The following ERC2 variants were observed in gnomAD, a reference collection of about 807,000 sequenced individuals.
The protein encoded by ERC2 is ELKS/RAB6-interacting/CAST family member 2.
Under a neutral mutation model 114.8 loss-of-function variants are expected in ERC2, and 42 were observed. That is an observed-to-expected ratio of 0.37 (90% CI 0.29 to 0.47). The LOEUF (loss-of-function observed/expected upper bound fraction) is 0.47. Ranked by LOEUF, ERC2 falls within the 20% of genes least tolerant of loss-of-function variation. ERC2 has a pLI of 0.99. For missense variants in ERC2, 939 were observed against 1,150.7 expected, an observed-to-expected ratio of 0.82 and a Z score of 2.66; for synonymous variants, 454 against 425.5, an observed-to-expected ratio of 1.07 and a Z score of -0.82.
chr3:56,344,966 A>T (rs547092649), intron 2 of ERC2, among the ~76,000 whole-genome samples: 1 of 152,334 alleles, frequency 6.6e-6, no homozygotes, highest in African/African-American at 2.4e-5. Flanking sequence ...CCTCAGCAAG[A>T]CCACTTACAG....
intron 6 of ERC2, among the ~76,000 whole-genome samples, chr3:56,123,206 A>T (rs1368060462): frequency 6.6e-6 from 1 of 152,096 alleles, no homozygotes; most frequent in Non-Finnish European, 1.5e-5. Context: ...TGAAATATTA[A>T]CCTCCAAGGT....
chr3:55,608,111 C>T (rs1407461552), intron 17 of ERC2, among the ~76,000 whole-genome samples: 1 of 152,162 alleles, frequency 6.6e-6, no homozygotes, highest in African/African-American at 2.4e-5. Context: ...TGGCTTAAGA[C>T]TGGGTAGTAA....
At chr3:55,552,325 G>A (rs2107428023) in intron 17 of ERC2, among the ~76,000 whole-genome samples, 1 of 152,242 alleles carries the variant, frequency 6.6e-6, no homozygotes, top group South Asian at 2.1e-4. Context: ...AGCGCTCTCT[G>A]TTTTTCCATG....
chr3:55,807,088 AG>A (rs1376370394), intron 14 of ERC2, among the ~76,000 whole-genome samples: 1 of 152,234 alleles, frequency 6.6e-6, no homozygotes, highest in Non-Finnish European at 1.5e-5. Context: ...ACTTCCTGGA[AG>A]AAGTAGCATT....
At chr3:55,568,109 T>A (rs61613824) in intron 17 of ERC2, among the ~76,000 whole-genome samples, 53,868 of 152,124 alleles carry the variant, frequency 0.35, 9,702 homozygotes, top group South Asian at 0.5. Flanking sequence ...ATCTATATTC[T>A]GCTCATTACA....
In ERC2 at chr3:55,981,991, T is replaced by C. The variant is rs1025250385; in HGVS notation, c.2267+3986A>G. Among the ~76,000 whole-genome samples, 10 of 152,174 alleles carry C rather than the reference T, an allele frequency of 6.6e-5. 1 individual carries two copies. The highest frequency in any genetic ancestry group is 1.5e-5 in the Non-Finnish European group (1 of 68,034). On this transcript the variant is annotated intron_variant, in intron 12 of 17. Transcript: ENST00000288221. The stretch of plus-strand genomic sequence containing the variant: ...CAGTCAGTGGGCTCAGGGAAGGCTT[T>C]GGTGGAAGAGGCAACTCCTGCCCTG...
chr3:55,752,364 G>C (rs1018429848), intron 14 of ERC2, among the ~76,000 whole-genome samples: 1 of 152,194 alleles, frequency 6.6e-6, no homozygotes, highest in East Asian at 1.9e-4. Flanking sequence ...CAACTGACAA[G>C]GGTCAGCCTG....
chr3:55,832,250 G>A (rs567097239), intron 14 of ERC2, among the ~76,000 whole-genome samples: 1 of 152,322 alleles, frequency 6.6e-6, no homozygotes, highest in Non-Finnish European at 1.5e-5. Context: ...TTTGAAGAAA[G>A]CAGTGGTTCT....
chr3:56,175,085 G>A (rs2082901083), intron 3 of ERC2, among the ~76,000 whole-genome samples: 1 of 152,038 alleles, frequency 6.6e-6, no homozygotes, highest in African/African-American at 2.4e-5. Context: ...GCAATCTTTT[G>A]CCCACATCCT....
intron 3 of ERC2, among the ~76,000 whole-genome samples, chr3:56,229,689 G>A (rs1452913840): frequency 6.6e-6 from 1 of 152,072 alleles, no homozygotes; most frequent in East Asian, 1.9e-4. Context: ...TACTTAAGCA[G>A]AAGACATGAT....
chr3:56,294,636 A>G (rs968140374), intron 3 of ERC2, among the ~76,000 whole-genome samples: 2 of 152,228 alleles, frequency 1.3e-5, no homozygotes, highest in African/African-American at 4.8e-5. Context: ...TATGTAACCT[A>G]ATCCTGGAAA....
chr3:55,847,646 C>T (rs1023739997), intron 14 of ERC2, among the ~76,000 whole-genome samples: 3 of 151,738 alleles, frequency 2.0e-5, no homozygotes, highest in African/African-American at 4.8e-5. Flanking sequence ...AAATTATATA[C>T]ATATGGTGCC....
chr3:55,560,045 C>T (rs753418491), intron 17 of ERC2, among the ~76,000 whole-genome samples: 69 of 152,178 alleles, frequency 4.5e-4, no homozygotes, highest in African/African-American at 1.2e-3. Flanking sequence ...CAAGGTACTT[C>T]TCCGGAGTAG....
intron 17 of ERC2, among the ~76,000 whole-genome samples, chr3:55,600,917 G>A (rs2058371730): frequency 6.6e-6 from 1 of 152,270 alleles, no homozygotes; most frequent in South Asian, 2.1e-4. Flanking sequence ...GCCCTGCCAT[G>A]TGGCATCTGG....
intron 17 of ERC2, among the ~76,000 whole-genome samples, chr3:55,641,574 A>G (rs1451025481): frequency 6.7e-6 from 1 of 149,754 alleles, no homozygotes; most frequent in Non-Finnish European, 1.5e-5. Context: ...AAAAAAAAAA[A>G]AAAAAGCCAA....
chr3:55,641,549 C>CAAAAAAAAAAAA (rs57407975), intron 17 of ERC2, among the ~76,000 whole-genome samples: 4 of 28,326 alleles, frequency 1.4e-4, no homozygotes, highest in African/African-American at 4.5e-4. Context: ...GATTCTATCT[C>CAAAAAAAAAAAA]AAAAAAAAAA....
chr3:55,982,458 C>A (rs2070227828), intron 12 of ERC2, among the ~76,000 whole-genome samples: 2 of 146,000 alleles, frequency 1.4e-5, no homozygotes, highest in African/African-American at 2.5e-5. Context: ...GAGAAGTGAA[C>A]ATTAAAAAGA....
chr3:56,283,257 A>T (rs1031536202), intron 3 of ERC2, among the ~76,000 whole-genome samples: 1 of 152,204 alleles, frequency 6.6e-6, no homozygotes, highest in African/African-American at 2.4e-5. Context: ...CTTGACATGC[A>T]TCATGAAAGT....
chr3:55,666,425 C>A (rs1043862107), intron 17 of ERC2, among the ~76,000 whole-genome samples: 1 of 152,186 alleles, frequency 6.6e-6, no homozygotes, highest in East Asian at 1.9e-4. Flanking sequence ...GAAAGCTCTG[C>A]TTCCTCTGAG....
Sources: gnomAD v4.1 joint callset for allele counts (sites outside exome capture counted in the v4.1 genomes callset) on GRCh38, gnomAD v4.1.1 for gene constraint, MANE v1.5 for transcripts, NCBI Gene and HGNC (gene_info 2026-07-23, HGNC 2026-07-21) for gene names.